The following ZSWIM6 variants were observed in gnomAD, a reference collection of about 807,000 sequenced individuals.
ZSWIM6 encodes zinc finger SWIM domain-containing protein 6.
ZSWIM6 carries 9 observed loss-of-function variants against 113.2 expected under a neutral mutation model. That is an observed-to-expected ratio of 0.08 (90% CI 0.05 to 0.14). The LOEUF is 0.14. ZSWIM6 is among the 10% of genes least tolerant of loss of function. The pLI is 1.00. For synonymous variants in ZSWIM6, 611 were observed against 606.5 expected (o/e 1.01, Z -0.11); for missense variants, 1,162 against 1,552.2 (o/e 0.75, Z 4.22).
chr5:61,438,739 C>T (rs143206215), intron 1 of ZSWIM6, among the ~76,000 whole-genome samples: 1 of 152,084 alleles, frequency 6.6e-6, no homozygotes, highest in Admixed American at 6.5e-5. Flanking sequence ...GGGCTCTGTT[C>T]CAGCCAGCAC....
At chr5:61,363,853 TTTCCTTCC>T (rs527955472) in intron 1 of ZSWIM6, among the ~76,000 whole-genome samples, 1 of 148,442 alleles carries the variant, frequency 6.7e-6, no homozygotes, top group Non-Finnish European at 1.5e-5. Flanking sequence ...TCCCTTTCCT[TTTCCTTCC>T]TTCCTTCCTT....
At chr5:61,427,752 A>G (rs1460113748) in intron 1 of ZSWIM6, among the ~76,000 whole-genome samples, 2 of 152,098 alleles carry the variant, frequency 1.3e-5, no homozygotes, top group Non-Finnish European at 2.9e-5. Context: ...AAGTGCTGAC[A>G]TTACAGTTGT....
At chr5:61,531,383 G>A (rs1365943938) in intron 8 of ZSWIM6, 82 bp from the exon 9 acceptor site, 9 of 1,421,626 alleles carry the variant, frequency 6.3e-6, no homozygotes, top group South Asian at 3.0e-5. Context: ...TTGCTTGTAC[G>A]GGGAAGTATA....
In ZSWIM6 at chr5:61,466,789, TC is replaced by T. The variant is rs1332876937; in HGVS notation, c.677-5891del. Among the ~76,000 whole-genome samples, 5 of 152,264 alleles carry T rather than the reference TC, an allele frequency of 3.3e-5. No homozygotes were observed. In the South Asian group the frequency reaches 8.3e-4, roughly 25 times the overall value. ...TGTGTATTTTAAAATCCCTTTTTTT[TC>T]AGTCTGATATCATGTGTCTCCTTGT... is the stretch of plus-strand genomic sequence containing the variant. On this transcript the variant is annotated intron_variant, in intron 1 of 13. Coordinates refer to ENST00000252744, the MANE Select transcript of ZSWIM6 (RefSeq NM_020928.2).
chr5:61,503,331 T>C (rs1748523682), intron 4 of ZSWIM6, among the ~76,000 whole-genome samples: 1 of 152,218 alleles, frequency 6.6e-6, no homozygotes, highest in African/African-American at 2.4e-5. Flanking sequence ...CTCAGTTCTC[T>C]GTGCTTTCTG....
intron 1 of ZSWIM6, among the ~76,000 whole-genome samples, chr5:61,409,858 T>C (rs1217193615): frequency 6.6e-6 from 1 of 152,208 alleles, no homozygotes; most frequent in Non-Finnish European, 1.5e-5. Flanking sequence ...AAAACATTGT[T>C]ACTTGATCAG....
At chr5:61,476,783 G>A (rs767774606) in intron 2 of ZSWIM6, among the ~76,000 whole-genome samples, 5 of 152,092 alleles carry the variant, frequency 3.3e-5, no homozygotes, top group Non-Finnish European at 5.9e-5. Context: ...TAAAGGAGAC[G>A]TATTGTAGAT....
At chr5:61,468,369 T>A (rs1361456879) in intron 1 of ZSWIM6, among the ~76,000 whole-genome samples, 1 of 152,242 alleles carries the variant, frequency 6.6e-6, no homozygotes, top group African/African-American at 2.4e-5. Context: ...GAAGCTCTTG[T>A]GGAATTAACT....
chr5:61,332,495 G>A lies in ZSWIM6; in HGVS notation c.223G>A (p.Glu75Lys). 5 of 1,267,956 alleles carry A rather than the reference G, an allele frequency of 3.9e-6. No individual in the cohort carries two copies. The highest frequency in any genetic ancestry group is 5.1e-6 in the Non-Finnish European group (5 of 976,828). The allele number at this position is 1,267,956 out of a possible 1,614,324, so 78.5% of individuals were successfully genotyped here. A position where few individuals can be genotyped will look rare whatever the true frequency, so the allele number is the denominator to read the frequency against. Residue 75 changes from glutamate (E) to lysine (K), a missense_variant, in exon 1 of 14, where the codon GAG (glutamate) becomes AAG (lysine). By Grantham distance (56) the Glu-to-Lys change is moderately conservative (BLOSUM62 1). Transcript: ENST00000252744. Reference sequence around the variant, plus strand: ...GCCGCCGGGCAAGACCCAGAGCCCCGAGTCGCTGCTGGACATCGCGGCGCG... The same window carrying A: ...GCCGCCGGGCAAGACCCAGAGCCCCAAGTCGCTGCTGGACATCGCGGCGCG... ...LLPPGKTQSP[E>K]SLLDIAARRV...
intron 7 of ZSWIM6, among the ~76,000 whole-genome samples, chr5:61,527,475 T>A (rs1749318962): frequency 6.6e-6 from 1 of 152,140 alleles, no homozygotes; most frequent in South Asian, 2.1e-4. Flanking sequence ...TGAAAAAAAG[T>A]CAAAAGTTAC....
At position 61,504,992 on chromosome 5, in the gene ZSWIM6, C is replaced by T. The variant is rs541583403; in HGVS notation, c.1333+10582C>T. Reference sequence around the variant, plus strand: ...GGTTAATATAACGTAGGACATGTTTCGGAAAATTTTGGCAATAGATGTAAT... The same window carrying T: ...GGTTAATATAACGTAGGACATGTTTTGGAAAATTTTGGCAATAGATGTAAT... On this transcript the variant is annotated intron_variant, in intron 4 of 13. Coordinates refer to ENST00000252744, the MANE Select transcript of ZSWIM6 (RefSeq NM_020928.2). Among the ~76,000 whole-genome samples, 228 of 152,128 alleles carry T rather than the reference C, an allele frequency of 1.5e-3. 1 individual carries two copies. Among genetic ancestry groups the T allele is most frequent in the Non-Finnish European group, 2.8e-3 (190 of 67,984 alleles).
At chr5:61,453,746 G>A (rs1747138831) in intron 1 of ZSWIM6, among the ~76,000 whole-genome samples, 1 of 150,980 alleles carries the variant, frequency 6.6e-6, no homozygotes, top group African/African-American at 2.4e-5. Flanking sequence ...TTAGAAGGGA[G>A]TCACCAAAGT....
At chr5:61,416,132 C>T (rs773760423) in intron 1 of ZSWIM6, among the ~76,000 whole-genome samples, 13 of 152,210 alleles carry the variant, frequency 8.5e-5, no homozygotes, top group Non-Finnish European at 1.5e-4. Flanking sequence ...GTTTGTGGAA[C>T]GAATGGCATT....
chr5:61,393,207 A>ATT (rs80039422), intron 1 of ZSWIM6, among the ~76,000 whole-genome samples: 1 of 142,860 alleles, frequency 7.0e-6, no homozygotes, highest in African/African-American at 2.6e-5. Flanking sequence ...CTCCCGACTA[A>ATT]TTTTTTTTTT....
intron 1 of ZSWIM6, among the ~76,000 whole-genome samples, chr5:61,457,441 A>G (rs538734745): frequency 4.3e-4 from 65 of 152,192 alleles, no homozygotes; most frequent in Middle Eastern, 3.4e-3. Context: ...TATCCAATAT[A>G]TTTATATTTT....
chr5:61,495,065 ATCTTG>A (rs1748281117), intron 4 of ZSWIM6, among the ~76,000 whole-genome samples: 1 of 152,168 alleles, frequency 6.6e-6, no homozygotes, highest in South Asian at 2.1e-4. Flanking sequence ...TGTATTTATT[ATCTTG>A]TCTTTTTATT....
At chr5:61,440,110 G>A (rs971615979) in intron 1 of ZSWIM6, among the ~76,000 whole-genome samples, 1 of 151,912 alleles carries the variant, frequency 6.6e-6, no homozygotes, top group Non-Finnish European at 1.5e-5. Context: ...TTAGTGCTAG[G>A]TAGGAAAGGT....
chr5:61,333,711 T>G (rs1215095960), intron 1 of ZSWIM6, among the ~76,000 whole-genome samples: 1 of 150,730 alleles, frequency 6.6e-6, no homozygotes, highest in Non-Finnish European at 1.5e-5. Context: ...GCTTACTAAT[T>G]AAAGGGCGCG....
intron 2 of ZSWIM6, among the ~76,000 whole-genome samples, chr5:61,477,262 G>C (rs1307354944): frequency 2.0e-5 from 3 of 152,140 alleles, no homozygotes; most frequent in Non-Finnish European, 4.4e-5. Flanking sequence ...CATTTCAGTG[G>C]CCCTTTTACT....
Sources: gnomAD v4.1 joint callset for allele counts (sites outside exome capture counted in the v4.1 genomes callset) on GRCh38, gnomAD v4.1.1 for gene constraint, MANE v1.5 for transcripts, NCBI Gene and HGNC (gene_info 2026-07-23, HGNC 2026-07-21) for gene names.